Variants in CFAP47 observed in about 807,000 individuals in gnomAD.
CFAP47 encodes cilia- and flagella-associated protein 47.
A neutral mutation model predicts 148.1 loss-of-function variants in CFAP47; 29 were observed. That is an observed-to-expected ratio of 0.20 (90% CI 0.15 to 0.27). The LOEUF (loss-of-function observed/expected upper bound fraction) is 0.27. Ranked by LOEUF, CFAP47 falls within the 10% of genes least tolerant of loss-of-function variation. The pLI, the probability that CFAP47 is intolerant of heterozygous loss-of-function variation, is 1.00. For missense variants in CFAP47, 1,872 were observed against 1,697.5 expected, an observed-to-expected ratio of 1.10 and a Z score of -1.81; for synonymous variants, 664 against 577.3, an observed-to-expected ratio of 1.15 and a Z score of -2.15.
chrX:36,382,279 G>T (rs1279423151), intron 63 of CFAP47, among the ~76,000 whole-genome samples: 2 of 111,231 alleles, frequency 1.8e-5, no homozygotes, highest in Non-Finnish European at 3.8e-5. Flanking sequence ...CACCTGAGAG[G>T]TTAAGAAAGT....
chrX:35,951,208 G>A lies in CFAP47; in HGVS notation c.734G>A (p.Ser245Asn). The A allele has an allele frequency of 8.3e-7, 1 of 1,210,630 alleles. No individual in the cohort carries two copies. The highest frequency in any genetic ancestry group is 1.1e-6 in the Non-Finnish European group (1 of 894,645). ...GTTGAGCAGATTATTGAATTATTAA[G>A]CATGAGTAGTGACAGAAGGCTGGAA... ...HVVEQIIELLSMSSDRRLECI... is the reference protein window; with the variant it reads ...HVVEQIIELLNMSSDRRLECI... Residue 245 changes from serine to asparagine, a missense_variant, in exon 5 of 64, where the codon AGC (serine) becomes AAC (asparagine). Physicochemically the swap from Ser to Asn is conservative, Grantham distance 46. Coordinates refer to ENST00000378653, the MANE Select transcript of CFAP47 (RefSeq NM_001304548.2).
intron 40 of CFAP47, among the ~76,000 whole-genome samples, chrX:36,186,398 C>T (rs1199352466): frequency 9.0e-6 from 1 of 111,648 alleles, no homozygotes; most frequent in Non-Finnish European, 1.9e-5. Context: ...TTCATTTTTA[C>T]TTGCCTCTAG....
chrX:36,383,302 C>T (rs1942095722), intron 63 of CFAP47, among the ~76,000 whole-genome samples: 2 of 112,050 alleles, frequency 1.8e-5, no homozygotes, highest in Non-Finnish European at 1.9e-5. Flanking sequence ...TTTGTACCCA[C>T]TAAGTGCTGA....
chrX:36,134,599 G>T (rs1051052540), intron 33 of CFAP47, among the ~76,000 whole-genome samples: 8 of 111,107 alleles, frequency 7.2e-5, no homozygotes, highest in African/African-American at 2.6e-4. Context: ...ATGAGCATTG[G>T]CCTATACCTC....
chrX:36,199,926 T>C (rs1555987807), intron 42 of CFAP47, among the ~76,000 whole-genome samples: 1 of 111,867 alleles, frequency 8.9e-6, no homozygotes, highest in African/African-American at 3.2e-5. Flanking sequence ...GGTCTAATTA[T>C]TTTTTCTAAA....
At chrX:36,162,614 T>A (rs1262853922) in intron 39 of CFAP47, among the ~76,000 whole-genome samples, 1 of 111,538 alleles carries the variant, frequency 9.0e-6, no homozygotes, top group African/African-American at 3.3e-5. Context: ...TCATGTTTTA[T>A]CAAAATTTCA....
At chrX:36,043,939 T>C (rs138491204) in intron 25 of CFAP47, among the ~76,000 whole-genome samples, 1,505 of 112,968 alleles carry the variant, frequency 0.013, 20 homozygotes, top group African/African-American at 0.046. Flanking sequence ...TTTCCATACA[T>C]CCTCTGAAAT....
intron 45 of CFAP47, 120 bp from the exon 46 acceptor site, chrX:36,228,508 G>T (rs908449896): frequency 9.4e-5 from 42 of 448,305 alleles, no homozygotes; most frequent in African/African-American, 8.7e-4. Context: ...TGTTATCCCA[G>T]TGAAACCTAT....
intron 33 of CFAP47, among the ~76,000 whole-genome samples, chrX:36,114,750 C>G (rs1461417663): frequency 9.0e-6 from 1 of 111,332 alleles, no homozygotes; most frequent in Non-Finnish European, 1.9e-5. Flanking sequence ...TGAGGTGCTC[C>G]CAGACTGCTG....
At chrX:36,205,224 A>G (rs1940026878) in intron 45 of CFAP47, 114 bp downstream of exon 45, 1 of 288,230 alleles carries the variant, frequency 3.5e-6, no homozygotes, top group East Asian at 4.9e-5. Context: ...TTCATAATAT[A>G]ATTGAAGGGT....
At chrX:35,980,898 G>C (rs1242402051) in intron 15 of CFAP47, among the ~76,000 whole-genome samples, 5 of 109,929 alleles carry the variant, frequency 4.5e-5, no homozygotes, top group Non-Finnish European at 9.5e-5. Context: ...TATTTATTTG[G>C]ACAATAAGAC....
At position 36,046,885 on chromosome X, in the gene CFAP47, G is replaced by T; in HGVS notation, c.4039G>T (p.Val1347Leu). The T allele has an allele frequency of 8.6e-7, 1 of 1,163,524 alleles. No homozygotes were observed. Among genetic ancestry groups the T allele is most frequent in the Non-Finnish European group, 1.1e-6 (1 of 870,563 alleles). ...AACTCTATGTGTCCAGATTCCCACA[G>T]TAAGGCTTCTTGATGGTGAAGAGAT... The part of the protein sequence containing the change: ...NSTLCVQIPT[V>L]RLLDGEEIHP... Residue 1347 changes from valine (V) to leucine (L), a missense_variant, in exon 26 of 64, where the codon GTA becomes TTA. Coordinates refer to ENST00000378653, the MANE Select transcript of CFAP47 (RefSeq NM_001304548.2).
intron 8 of CFAP47, among the ~76,000 whole-genome samples, chrX:35,963,621 A>G (rs1211164936): frequency 3.6e-5 from 4 of 111,333 alleles, no homozygotes; most frequent in African/African-American, 1.3e-4. Flanking sequence ...TTTGTTTTCT[A>G]TAATTACATA....
Position 36,099,785 on chromosome X carries a change from C to T in CFAP47, c.5033C>T (p.Thr1678Ile). Residue 1678 changes from threonine (T) to isoleucine (I), a missense_variant, in exon 32 of 64, where the codon ACA becomes ATA. Physicochemically the swap from Thr to Ile is moderately conservative, Grantham distance 89 (BLOSUM62 -1). Coordinates refer to ENST00000378653, the MANE Select transcript of CFAP47 (RefSeq NM_001304548.2). ...STNTMPVSSC[T>I]PKKKCSIVIE... ...AATACGATGCCTGTGAGTTCCTGTA[C>T]ACCTAAGAAAAAATGTTCTATTGTT... The T allele has an allele frequency of 1.1e-6, 1 of 874,429 alleles. No individual in the cohort carries two copies. Among genetic ancestry groups the T allele is most frequent in the Non-Finnish European group, 1.7e-6 (1 of 591,061 alleles). The allele number at this position is 874,429 out of a possible 1,213,427, so 72.1% of individuals were successfully genotyped here. A position where few individuals can be genotyped will look rare whatever the true frequency, so the allele number is the denominator to read the frequency against.
At chrX:36,156,628 T>A (rs1602017293) in intron 37 of CFAP47, among the ~76,000 whole-genome samples, 1 of 110,189 alleles carries the variant, frequency 9.1e-6, no homozygotes, top group African/African-American at 3.3e-5. Context: ...CAAGGAGGTT[T>A]TTTTTAAAAA....
chrX:36,379,676 T>G (rs1602138934), intron 63 of CFAP47, 158 bp downstream of exon 63: 1 of 457,108 alleles, frequency 2.2e-6, no homozygotes, highest in South Asian at 3.5e-5. Context: ...TGGTTTACCT[T>G]TCTTTTGTCA....
chrX:35,933,221 C>G (rs1935857853), intron 2 of CFAP47, among the ~76,000 whole-genome samples: 1 of 108,487 alleles, frequency 9.2e-6, no homozygotes, highest in Admixed American at 9.9e-5. Flanking sequence ...TTCCCCACCC[C>G]CAATTACCCT....
intron 62 of CFAP47, among the ~76,000 whole-genome samples, chrX:36,377,961 C>T (rs1942040176): frequency 8.9e-6 from 1 of 111,765 alleles, no homozygotes; most frequent in Admixed American, 9.6e-5. Context: ...TGGTTCCAAT[C>T]CGCAGTCCAT....
intron 56 of CFAP47, among the ~76,000 whole-genome samples, chrX:36,313,995 T>C (rs1215236630): frequency 1.8e-5 from 2 of 111,994 alleles, no homozygotes; most frequent in Admixed American, 1.9e-4. Context: ...GCTGAATGAC[T>C]GGACCATAAA....
Sources: gnomAD v4.1 joint callset for allele counts (sites outside exome capture counted in the v4.1 genomes callset) on GRCh38, gnomAD v4.1.1 for gene constraint, MANE v1.5 for transcripts, NCBI Gene and HGNC (gene_info 2026-07-23, HGNC 2026-07-21) for gene names.